MARVELD2: variants seen among roughly 807,000 people sequenced by gnomAD.
The protein encoded by MARVELD2 is MARVEL domain containing 2.
Under a neutral mutation model 57.6 loss-of-function variants are expected in MARVELD2, and 49 were observed. The ratio of observed to expected loss-of-function variants is 0.85; its 90% CI spans 0.68 to 1.08. The LOEUF (loss-of-function observed/expected upper bound fraction) is 1.08, where lower values mean the gene tolerates loss of function less well. MARVELD2 is among the 50% of genes least tolerant of loss of function. The pLI, the probability that MARVELD2 is intolerant of heterozygous loss-of-function variation, is 0.00. For missense variants in MARVELD2, 606 were observed against 701.1 expected (o/e 0.86, Z 1.53); for synonymous variants, 238 against 258.8 (o/e 0.92, Z 0.77).
intron 5 of MARVELD2, among the ~76,000 whole-genome samples, chr5:69,439,888 G>A (rs978379635): frequency 8.5e-5 from 13 of 152,066 alleles, no homozygotes; most frequent in Non-Finnish European, 1.8e-4. Context: ...TGGATAGGCC[G>A]TTCAACTCCT....
At chr5:69,425,966 TCTC>T (rs1766779177) in intron 3 of MARVELD2, among the ~76,000 whole-genome samples, 1 of 151,802 alleles carries the variant, frequency 6.6e-6, no homozygotes, top group South Asian at 2.1e-4. Flanking sequence ...ATGTTCTCGA[TCTC>T]CTGACCTCGT....
rs1223297175 is a variant in MARVELD2 at position 69,420,659 on chromosome 5, T to A, written c.1146+128T>A. On this transcript the variant is annotated intron_variant, in intron 2 of 6. Transcript: ENST00000325631. ...TAGAAATCTTTTCTTTCTTCCTTTT[T>A]TTTTTTTTCAATGGTCTGAGATTCA... 5 of 963,752 alleles carry A rather than the reference T, an allele frequency of 5.2e-6. No homozygotes were observed. In the East Asian group the frequency reaches 1.3e-4, roughly 25 times the overall value. The allele number at this position is 963,752 out of a possible 1,614,324, so 59.7% of individuals were successfully genotyped here. A position where few individuals can be genotyped will look rare whatever the true frequency, so the allele number is the denominator to read the frequency against.
At chr5:69,427,596 T>C (rs569617355) in intron 3 of MARVELD2, among the ~76,000 whole-genome samples, 28 of 152,306 alleles carry the variant, frequency 1.8e-4, no homozygotes, top group Admixed American at 4.6e-4. Flanking sequence ...AGTTGAAAAG[T>C]TTAATAATTA....
At chr5:69,430,556 C>G (rs766646232) in intron 3 of MARVELD2, among the ~76,000 whole-genome samples, 10 of 151,302 alleles carry the variant, frequency 6.6e-5, no homozygotes, top group Non-Finnish European at 1.2e-4. Flanking sequence ...ATTTTTGAGA[C>G]GGCGTCTCGC....
At chr5:69,417,542 G>A (rs894234366) in intron 1 of MARVELD2, among the ~76,000 whole-genome samples, 1 of 152,130 alleles carries the variant, frequency 6.6e-6, no homozygotes, top group Non-Finnish European at 1.5e-5. Context: ...AGTGGCTAAC[G>A]CTTGTAATCC....
intron 5 of MARVELD2, among the ~76,000 whole-genome samples, chr5:69,437,242 G>A (rs189328606): frequency 7.3e-5 from 11 of 150,658 alleles, no homozygotes; most frequent in Admixed American, 4.6e-4. Context: ...TTAGCCGCAC[G>A]TGGTGGTGCA....
At chr5:69,427,618 T>C (rs1221663285) in intron 3 of MARVELD2, among the ~76,000 whole-genome samples, 1 of 152,214 alleles carries the variant, frequency 6.6e-6, no homozygotes, top group African/African-American at 2.4e-5. Flanking sequence ...ATTCATAACA[T>C]TACTTAGACT....
At chr5:69,425,782 G>T (rs910590252) in intron 3 of MARVELD2, among the ~76,000 whole-genome samples, 11 of 149,932 alleles carry the variant, frequency 7.3e-5, no homozygotes, top group Non-Finnish European at 1.5e-4. Flanking sequence ...AGGCTGGAGT[G>T]CAGTGGCGCT....
intron 1 of MARVELD2, among the ~76,000 whole-genome samples, chr5:69,417,631 T>TA (rs1188755518): frequency 6.6e-6 from 1 of 152,014 alleles, no homozygotes; most frequent in Non-Finnish European, 1.5e-5. Flanking sequence ...TAGTGATACT[T>TA]AATGTCTACT....
At chr5:69,422,721 C>A (rs1422440936) in intron 2 of MARVELD2, among the ~76,000 whole-genome samples, 2 of 152,140 alleles carry the variant, frequency 1.3e-5, no homozygotes, top group Non-Finnish European at 1.5e-5. Context: ...TTCATACACT[C>A]CCTCCCCTTT....
Position 69,420,315 on chromosome 5 carries a change from C to T in MARVELD2, c.930C>T (p.Val310=). 6.2e-7 allele frequency: 1 copy of T among 1,614,174 alleles called. No homozygotes were observed. Among genetic ancestry groups the T allele is most frequent in the Non-Finnish European group, 8.5e-7 (1 of 1,180,036 alleles). Residue 310 remains valine (V), a synonymous_variant, in exon 2 of 7, where the codon GTC becomes GTT. Transcript: ENST00000325631. Reference sequence around the variant, plus strand: ...TTTTGTATATGGCCGCAGCCATAGTCTATGTGAATGATACCAACCGAGGTG... The same window carrying T: ...TTTTGTATATGGCCGCAGCCATAGTTTATGTGAATGATACCAACCGAGGTG... ...LFILYMAAAI[V]YVNDTNRGGL... is the part of the protein sequence containing the mutation.
chr5:69,440,485 T>G lies in MARVELD2; in HGVS notation c.1539T>G (p.Phe513Leu), dbSNP rs747962503. Residue 513 changes from phenylalanine (F) to leucine (L), a missense_variant, in exon 6 of 7, where the codon TTT (phenylalanine) becomes TTG (leucine). Coordinates refer to ENST00000325631, the MANE Select transcript of MARVELD2 (RefSeq NM_001038603.3). ...HERISRIHEE[F>L]KKKKNDPTFL... ...GAATTTCAAGAATCCATGAAGAGTT[T>G]AAGAAAAAAAAGAATGTGAGTAAAA... 1 of 1,434,286 alleles carries G rather than the reference T, an allele frequency of 7.0e-7. No homozygotes were observed. The highest frequency in any genetic ancestry group is 9.8e-7 in the Non-Finnish European group (1 of 1,020,504). 88.8% of individuals were successfully genotyped at this position (1,434,286 alleles called of 1,614,324 possible).
chr5:69,441,898 C>G lies in MARVELD2; in HGVS notation c.*244C>G. The stretch of plus-strand genomic sequence containing the variant: ...AGAGACGAGGTTTCACCATGTTGGT[C>G]AGGCTGGGAAACTACTTTTTTTAAA... On this transcript the variant is annotated 3_prime_UTR_variant, in exon 7 of 7. Coordinates refer to ENST00000325631, the MANE Select transcript of MARVELD2 (RefSeq NM_001038603.3). 3.2e-6 allele frequency: 1 copy of G among 315,682 alleles called. No homozygotes were observed. Among genetic ancestry groups the G allele is most frequent in the East Asian group, 7.0e-5 (1 of 14,284 alleles). The allele number at this position is 315,682 out of a possible 1,614,324, so 19.6% of individuals were successfully genotyped here. A position where few individuals can be genotyped will look rare whatever the true frequency, so the allele number is the denominator to read the frequency against.
At chr5:69,421,794 C>CT (rs1409875482) in intron 2 of MARVELD2, among the ~76,000 whole-genome samples, 8,610 of 132,840 alleles carry the variant, frequency 0.065, 429 homozygotes, top group South Asian at 0.15. Flanking sequence ...TCTTTTCTTT[C>CT]TTTTTTTTTT....
rs750796880 is a variant in MARVELD2 at position 69,419,485 on chromosome 5, C to T, written c.100C>T (p.Leu34Phe). The T allele has an allele frequency of 1.2e-6, 2 of 1,614,190 alleles. No individual in the cohort carries two copies. Among genetic ancestry groups the T allele is most frequent in the Non-Finnish European group, 1.7e-6 (2 of 1,180,036 alleles). The part of the protein sequence containing the change: ...QDTTIRTHPT[L>F]HDSERAVSAD... ...TACCACCATAAGAACCCACCCAACT[C>T]TTCATGACAGTGAGCGGGCAGTGAG... Residue 34 changes from leucine (L) to phenylalanine (F), a missense_variant, in exon 2 of 7, where the codon CTT (leucine) becomes TTT (phenylalanine). By Grantham distance (22) the Leu-to-Phe change is conservative. Coordinates refer to ENST00000325631, the MANE Select transcript of MARVELD2 (RefSeq NM_001038603.3).
intron 5 of MARVELD2, among the ~76,000 whole-genome samples, chr5:69,439,880 G>T (rs1767277463): frequency 6.6e-6 from 1 of 152,064 alleles, no homozygotes; most frequent in African/African-American, 2.4e-5. Context: ...GTTCCCTTTG[G>T]ATAGGCCGTT....
At position 69,443,463 on chromosome 5, in the gene MARVELD2, G is replaced by T. The variant is rs1433690007; in HGVS notation, c.*1809G>T. On this transcript the variant is annotated 3_prime_UTR_variant, in exon 7 of 7. Transcript: ENST00000325631. The stretch of plus-strand genomic sequence containing the variant: ...GATCTACCAGCCTCGGCCTTCTGAA[G>T]TGCTGGGATTCAGGTGTGAGCCACT... 6.6e-6 allele frequency: 1 copy of T among 152,198 alleles called. No individual in the cohort carries two copies. Among genetic ancestry groups the T allele is most frequent in the Non-Finnish European group, 1.5e-5 (1 of 68,042 alleles). The allele number at this position is 152,198 out of a possible 1,614,324, so 9.4% of individuals were successfully genotyped here. A position where few individuals can be genotyped will look rare whatever the true frequency, so the allele number is the denominator to read the frequency against.
At chr5:69,432,489 T>C (rs757841876) in intron 3 of MARVELD2, 38 bp from the exon 4 acceptor site, 31 of 1,609,512 alleles carry the variant, frequency 1.9e-5, no homozygotes, top group Non-Finnish European at 2.2e-5. Flanking sequence ...TTTCTACTTA[T>C]GTTTATTAAC....
At chr5:69,435,176 G>A (rs1767094789) in intron 5 of MARVELD2, among the ~76,000 whole-genome samples, 1 of 150,910 alleles carries the variant, frequency 6.6e-6, no homozygotes, top group East Asian at 2.0e-4. Context: ...TGCACACCCG[G>A]CTAATTTTTG....
Sources: gnomAD v4.1 joint callset for allele counts (sites outside exome capture counted in the v4.1 genomes callset) on GRCh38, gnomAD v4.1.1 for gene constraint, MANE v1.5 for transcripts, NCBI Gene and HGNC (gene_info 2026-07-23, HGNC 2026-07-21) for gene names.